The following ROR1 variants were observed in gnomAD, a reference collection of about 807,000 sequenced individuals.
ROR1 encodes the protein ROR family WNT receptor 1.
In ROR1, 19 loss-of-function variants were observed where a neutral mutation model predicts 78.8. That is an observed-to-expected ratio of 0.24 (90% CI 0.17 to 0.35). The LOEUF is 0.35. Ranked by LOEUF, ROR1 falls within the 10% of genes least tolerant of loss-of-function variation. ROR1 has a pLI of 1.00. For synonymous variants in ROR1, 386 were observed against 433.6 expected (o/e 0.89, Z 1.36); for missense variants, 917 against 1,177.8 (o/e 0.78, Z 3.24).
At chr1:63,902,055 C>T (rs1336638803) in intron 1 of ROR1, among the ~76,000 whole-genome samples, 1 of 152,044 alleles carries the variant, frequency 6.6e-6, no homozygotes, top group African/African-American at 2.4e-5. Flanking sequence ...ACATCCAAAC[C>T]ATGATATATT....
intron 1 of ROR1, among the ~76,000 whole-genome samples, chr1:63,844,992 C>A (rs1018069592): frequency 4.2e-4 from 64 of 152,272 alleles, no homozygotes; most frequent in African/African-American, 1.5e-3. Context: ...TGTCCTCAGC[C>A]TGGCTCAAAT....
intron 8 of ROR1, among the ~76,000 whole-genome samples, chr1:64,173,913 T>C (rs559429459): frequency 1.3e-5 from 2 of 152,262 alleles, no homozygotes; most frequent in South Asian, 4.2e-4. Context: ...AGGAGCCAGC[T>C]ACAGGCCACT....
chr1:64,095,139 G>C (rs997973631), intron 4 of ROR1: 3 of 152,038 alleles, frequency 2.0e-5, no homozygotes, highest in Non-Finnish European at 2.9e-5. Context: ...CATGGATAAG[G>C]TACAGTATCC....
chr1:64,114,922 A>C (rs879266084), intron 4 of ROR1, among the ~76,000 whole-genome samples: 1 of 152,124 alleles, frequency 6.6e-6, no homozygotes, highest in Non-Finnish European at 1.5e-5. Context: ...GTTATAGTCC[A>C]ATTTTGGTTA....
At position 63,843,188 on chromosome 1, in the gene ROR1, G is replaced by T. The variant is rs184519312; in HGVS notation, c.91+68680G>T. The T allele has an allele frequency of 6.0e-6, 8 of 1,330,332 alleles. No individual in the cohort carries two copies. In the East Asian group the frequency reaches 9.6e-5, roughly 16 times the overall value. 82.4% of individuals were successfully genotyped at this position (1,330,332 alleles called of 1,614,324 possible). On this transcript the variant is annotated intron_variant, in intron 1 of 8. Transcript: ENST00000371079. ...ATGCTCCAGGCAGGTGGCCAGAACC[G>T]GCTCACAAAGGCTTGTCCTCTAGGG...
At chr1:63,880,838 C>A (rs897274878) in intron 1 of ROR1, among the ~76,000 whole-genome samples, 2 of 152,142 alleles carry the variant, frequency 1.3e-5, no homozygotes, top group Non-Finnish European at 2.9e-5. Flanking sequence ...GTACTACTAA[C>A]CACTTCCAAT....
chr1:63,995,417 A>G (rs1646328913), intron 1 of ROR1, among the ~76,000 whole-genome samples: 1 of 152,168 alleles, frequency 6.6e-6, no homozygotes, highest in African/African-American at 2.4e-5. Flanking sequence ...CTGCCAACAC[A>G]AGACCCTGTC....
intron 1 of ROR1, among the ~76,000 whole-genome samples, chr1:63,802,617 C>T (rs1382204362): frequency 2.6e-5 from 4 of 152,238 alleles, no homozygotes; most frequent in Non-Finnish European, 5.9e-5. Context: ...TCTCTACCCT[C>T]TCTTCTCGAT....
intron 1 of ROR1, among the ~76,000 whole-genome samples, chr1:63,975,170 G>A (rs962592073): frequency 6.6e-6 from 1 of 152,128 alleles, no homozygotes; most frequent in Admixed American, 6.5e-5. Context: ...AGGTGCTAAC[G>A]AGCAGTAAAA....
At chr1:63,938,324 CA>C (rs1262404130) in intron 1 of ROR1, among the ~76,000 whole-genome samples, 5 of 152,096 alleles carry the variant, frequency 3.3e-5, no homozygotes, top group African/African-American at 1.2e-4. Context: ...AATACTAAGC[CA>C]TTTTATATCA....
chr1:63,860,826 G>A (rs1645176844), intron 1 of ROR1, among the ~76,000 whole-genome samples: 1 of 151,478 alleles, frequency 6.6e-6, no homozygotes, highest in East Asian at 1.9e-4. Context: ...TCTGGTGGTA[G>A]ACACCATTTG....
rs79678421 is a variant in ROR1 at position 64,077,916 on chromosome 1, A to G, written c.482+27200A>G. 7.5e-3 allele frequency among the ~76,000 whole-genome samples: 1,148 copies of G among 152,340 alleles called. 18 individuals are homozygous for G. Among genetic ancestry groups the G allele is most frequent in the African/African-American group, 0.026 (1,099 of 41,574 alleles). On this transcript the variant is annotated intron_variant, in intron 4 of 8. Coordinates refer to ENST00000371079, the MANE Select transcript of ROR1 (RefSeq NM_005012.4). ...ATCAGCTATTAATTGAGTTCCTACT[A>G]TGTGCTCAATGTGATGCTCAATGTG...
intron 1 of ROR1, among the ~76,000 whole-genome samples, chr1:63,925,493 T>C (rs1390738981): frequency 6.6e-6 from 1 of 152,128 alleles, no homozygotes; most frequent in African/African-American, 2.4e-5. Context: ...TGTGTCTTTA[T>C]AGCAGCATGA....
At chr1:63,919,349 G>T (rs908241971) in intron 1 of ROR1, among the ~76,000 whole-genome samples, 1 of 152,040 alleles carries the variant, frequency 6.6e-6, no homozygotes, top group Non-Finnish European at 1.5e-5. Flanking sequence ...CTACCGAGAG[G>T]TTTTTCTTTT....
rs1276864818 is a variant in ROR1 at position 63,774,120 on chromosome 1, G to C, written c.-298G>C. 1.1e-5 allele frequency: 2 copies of C among 179,674 alleles called. No homozygotes were observed. Among genetic ancestry groups the C allele is most frequent in the African/African-American group, 4.7e-5 (2 of 42,148 alleles). 11.1% of individuals were successfully genotyped at this position (179,674 alleles called of 1,614,324 possible). A position where few individuals can be genotyped will look rare whatever the true frequency, so the allele number is the denominator to read the frequency against. ...CCTGGGCGCAGGGTGCGCTGTTCTC[G>C]GAGTCCGACCCAGGGCGACTCACGC... is the stretch of plus-strand genomic sequence containing the variant. On this transcript the variant is annotated 5_prime_UTR_variant, in exon 1 of 9. Coordinates refer to ENST00000371079, the MANE Select transcript of ROR1 (RefSeq NM_005012.4). The surrounding 1 kb of genome is among the most constrained non-coding windows in gnomAD (Gnocchi z 5.7).
At chr1:63,909,474 A>G (rs1645553087) in intron 1 of ROR1, among the ~76,000 whole-genome samples, 1 of 152,174 alleles carries the variant, frequency 6.6e-6, no homozygotes, top group Non-Finnish European at 1.5e-5. Context: ...CTCTACCTGC[A>G]TGTCCTCAAG....
intron 1 of ROR1, among the ~76,000 whole-genome samples, chr1:63,789,706 C>T (rs1382806598): frequency 1.0e-5 from 1 of 99,944 alleles, no homozygotes. Context: ...TGTCTTTAAA[C>T]AGGCACTGTC....
At chr1:64,125,637 G>T (rs1356451862) in intron 4 of ROR1, among the ~76,000 whole-genome samples, 1 of 152,118 alleles carries the variant, frequency 6.6e-6, no homozygotes, top group Non-Finnish European at 1.5e-5. Context: ...CCATGAGCCT[G>T]CCTTGGACCC....
intron 7 of ROR1, among the ~76,000 whole-genome samples, chr1:64,151,294 A>G (rs1649614500): frequency 6.6e-6 from 1 of 152,174 alleles, no homozygotes; most frequent in Admixed American, 6.6e-5. Context: ...GTAGAGGGAT[A>G]TAGTCAACCC....
Sources: allele counts gnomAD v4.1 joint callset (sites outside exome capture counted in the v4.1 genomes callset), GRCh38; gene constraint gnomAD v4.1.1; non-coding constraint Gnocchi (gnomAD v3.1); transcripts MANE v1.5; gene names NCBI Gene and HGNC (gene_info 2026-07-23, HGNC 2026-07-21).